NEO1: variants seen among roughly 807,000 people sequenced by gnomAD.
NEO1 encodes the protein neogenin.
NEO1 carries 63 observed loss-of-function variants against 159.7 expected under a neutral mutation model. That is an observed-to-expected ratio of 0.39 (90% confidence interval 0.32 to 0.49). The LOEUF (loss-of-function observed/expected upper bound fraction) is 0.49. Ranked by LOEUF, NEO1 falls within the 20% of genes least tolerant of loss-of-function variation. The probability of loss-of-function intolerance (pLI) is 0.85; values close to 1 mark genes in which losing one functional copy is unlikely to be tolerated. For synonymous variants in NEO1, 633 were observed against 662.0 expected, an observed-to-expected ratio of 0.96 and a Z score of 0.67; for missense variants, 1,615 against 1,831.0, an observed-to-expected ratio of 0.88 and a Z score of 2.15.
chr15:73,189,778 T>G (rs1260900807), intron 7 of NEO1, among the ~76,000 whole-genome samples: 1 of 152,226 alleles, frequency 6.6e-6, no homozygotes, highest in Non-Finnish European at 1.5e-5. Context: ...TTAATAATTA[T>G]AGTTAAAATA....
chr15:73,293,271 C>CTTT, intron 25 of NEO1, 119 bp from the exon 26 acceptor site: 1 of 1,253,882 alleles, frequency 8.0e-7, no homozygotes, highest in Non-Finnish European at 1.1e-6. Context: ...CACCAAAAAA[C>CTTT]CAAGGGAGTG....
At chr15:73,197,880 A>G (rs566273503) in intron 7 of NEO1, among the ~76,000 whole-genome samples, 2 of 151,820 alleles carry the variant, frequency 1.3e-5, no homozygotes, top group Admixed American at 1.3e-4. Context: ...AGGGTTTTAC[A>G]ATGTTGGTCA....
chr15:73,166,501 A>G (rs1043874439), intron 5 of NEO1, among the ~76,000 whole-genome samples: 3 of 152,182 alleles, frequency 2.0e-5, no homozygotes, highest in African/African-American at 7.2e-5. Flanking sequence ...GAACTCTCCA[A>G]TGGCTTGCAA....
At chr15:73,210,128 C>G (rs1403373000) in intron 7 of NEO1, among the ~76,000 whole-genome samples, 1 of 152,156 alleles carries the variant, frequency 6.6e-6, no homozygotes, top group Non-Finnish European at 1.5e-5. Flanking sequence ...GTTTGCAAAT[C>G]AGAGTTAAAG....
At chr15:73,112,104 AT>A (rs2071029975) in intron 1 of NEO1, among the ~76,000 whole-genome samples, 1 of 152,154 alleles carries the variant, frequency 6.6e-6, no homozygotes. Flanking sequence ...CTCAATGCCC[AT>A]ATAATCATAT....
At chr15:73,236,839 A>G (rs913796924) in intron 8 of NEO1, among the ~76,000 whole-genome samples, 3 of 152,222 alleles carry the variant, frequency 2.0e-5, no homozygotes, top group African/African-American at 4.8e-5. Context: ...GTAAACTTAA[A>G]TGAATATTTG....
intron 1 of NEO1, among the ~76,000 whole-genome samples, chr15:73,070,075 A>T (rs959269061): frequency 6.6e-5 from 10 of 152,210 alleles, no homozygotes; most frequent in Admixed American, 3.9e-4. Flanking sequence ...TAGAGGCATA[A>T]AATACTCTGT....
At chr15:73,200,427 A>G (rs547875758) in intron 7 of NEO1, among the ~76,000 whole-genome samples, 2 of 151,902 alleles carry the variant, frequency 1.3e-5, no homozygotes, top group East Asian at 1.9e-4. Flanking sequence ...CCAAAAATAA[A>G]AAGAAATTAA....
intron 5 of NEO1, among the ~76,000 whole-genome samples, chr15:73,145,660 C>T (rs867049764): frequency 1.8e-4 from 28 of 152,122 alleles, no homozygotes; most frequent in Middle Eastern, 6.8e-3. Flanking sequence ...TATTAAATGA[C>T]GAAAAGTAAG....
In NEO1 at chr15:73,303,528, C is replaced by T. The variant is rs1304848236; in HGVS notation, c.*832C>T. 6.6e-6 allele frequency: 1 copy of T among 152,084 alleles called. No homozygotes were observed. The highest frequency in any genetic ancestry group is 1.5e-5 in the Non-Finnish European group (1 of 68,022). 9.4% of individuals were successfully genotyped at this position (152,084 alleles called of 1,614,324 possible). A position where few individuals can be genotyped will look rare whatever the true frequency, so the allele number is the denominator to read the frequency against. On this transcript the variant is annotated 3_prime_UTR_variant, in exon 29 of 29. Coordinates refer to ENST00000261908, the MANE Select transcript of NEO1 (RefSeq NM_002499.4). The stretch of plus-strand genomic sequence containing the variant: ...TTGGTAATAGGAAATGGAGGGGCTG[C>T]TGAGGTCCTGTGAATGTTTCTGTCA...
rs1238508230 is a variant in NEO1, at chr15:73,303,061, G to A, written c.*365G>A. On this transcript the variant is annotated 3_prime_UTR_variant, in exon 29 of 29. Coordinates refer to ENST00000261908, the MANE Select transcript of NEO1 (RefSeq NM_002499.4). ...TCACCTTTATGGAGTGTAGACATTG[G>A]CATTTATGTACAATTTTATTTGTGT... The A allele has an allele frequency of 5.8e-6, 1 of 173,374 alleles. No individual in the cohort carries two copies. The highest frequency in any genetic ancestry group is 1.2e-5 in the Non-Finnish European group (1 of 80,694). The allele number at this position is 173,374 out of a possible 1,614,324, so 10.7% of individuals were successfully genotyped here. A position where few individuals can be genotyped will look rare whatever the true frequency, so the allele number is the denominator to read the frequency against.
At chr15:73,149,903 GTTA>G (rs1315000970) in intron 5 of NEO1, among the ~76,000 whole-genome samples, 42 of 152,204 alleles carry the variant, frequency 2.8e-4, no homozygotes, top group African/African-American at 9.9e-4. Flanking sequence ...TATATAGTAT[GTTA>G]TTGTTAATTA....
At chr15:73,220,475 G>T (rs1362545068) in intron 7 of NEO1, among the ~76,000 whole-genome samples, 1 of 152,082 alleles carries the variant, frequency 6.6e-6, no homozygotes, top group African/African-American at 2.4e-5. Context: ...ATGTTGGCCT[G>T]CCTTGCTAGA....
In NEO1 at chr15:73,177,628, C is replaced by G. The variant is rs558563105; in HGVS notation, c.1171-679C>G. Among the ~76,000 whole-genome samples, 1,288 of 152,226 alleles carry G rather than the reference C, an allele frequency of 8.5e-3. 20 individuals are homozygous for G. The highest frequency in any genetic ancestry group is 0.029 in the African/African-American group (1,214 of 41,514). On this transcript the variant is annotated intron_variant, in intron 6 of 28. Coordinates refer to ENST00000261908, the MANE Select transcript of NEO1 (RefSeq NM_002499.4). ...GTGGTTTGATCATAGCTCACCACAG[C>G]CTCAAACTCCTGGGCTTAAGCGATC...
At chr15:73,076,785 T>G (rs1595919063) in intron 1 of NEO1, among the ~76,000 whole-genome samples, 1 of 152,310 alleles carries the variant, frequency 6.6e-6, no homozygotes, top group East Asian at 1.9e-4. Flanking sequence ...CAGGCTACCT[T>G]CTTTTCTTAT....
rs1361946910 is a variant in NEO1, at chr15:73,293,562, A to C, written c.3901+14A>C. Reference sequence around the variant, plus strand: ...CCAATTCCACAGGTGAGAGATGAGGATCAAGCCCAGATGGAAACCATTCCA... The same window carrying C: ...CCAATTCCACAGGTGAGAGATGAGGCTCAAGCCCAGATGGAAACCATTCCA... On this transcript the variant is annotated intron_variant, in intron 26 of 28. Coordinates refer to ENST00000261908, the MANE Select transcript of NEO1 (RefSeq NM_002499.4). 1 of 1,611,070 alleles carries C rather than the reference A, an allele frequency of 6.2e-7. No individual in the cohort carries two copies. Among genetic ancestry groups the C allele is most frequent in the East Asian group, 2.2e-5 (1 of 44,736 alleles).
chr15:73,059,994 T>G (rs2067900107), intron 1 of NEO1, among the ~76,000 whole-genome samples: 1 of 152,000 alleles, frequency 6.6e-6, no homozygotes, highest in Non-Finnish European at 1.5e-5. Flanking sequence ...TGATACTATG[T>G]GGAAATTGAA....
chr15:73,110,399 G>T (rs2070914528), intron 1 of NEO1, among the ~76,000 whole-genome samples: 1 of 152,024 alleles, frequency 6.6e-6, no homozygotes, highest in African/African-American at 2.4e-5. Context: ...ACCTCTTTTG[G>T]CAATAAGACA....
intron 1 of NEO1, among the ~76,000 whole-genome samples, chr15:73,063,109 A>G (rs1015755043): frequency 6.6e-6 from 1 of 152,200 alleles, no homozygotes; most frequent in Non-Finnish European, 1.5e-5. Context: ...GATAAAGTTC[A>G]TTTCGCCTAT....
Sources: allele counts gnomAD v4.1 joint callset (sites outside exome capture counted in the v4.1 genomes callset), GRCh38; gene constraint gnomAD v4.1.1; transcripts MANE v1.5; gene names NCBI Gene and HGNC (gene_info 2026-07-23, HGNC 2026-07-21).